The following AGBL4 variants were observed in gnomAD, a reference collection of about 807,000 sequenced individuals.
AGBL4 encodes the protein AGBL carboxypeptidase 4.
A neutral mutation model predicts 66.4 loss-of-function variants in AGBL4; 58 were observed. The observed-to-expected ratio is 0.87, with a 90% CI of 0.71 to 1.09. AGBL4 has a LOEUF of 1.09. Among genes scored for constraint, AGBL4 ranks in the 50% least tolerant of loss-of-function variants. The pLI is 0.00. For synonymous variants in AGBL4, 234 were observed against 222.9 expected (o/e 1.05, Z -0.44); for missense variants, 579 against 631.0 (o/e 0.92, Z 0.88).
chr1:49,207,547 T>TTTCTTTCTTTCTTTCTTTCTTTCTTTC (rs1648297874), intron 4 of AGBL4, among the ~76,000 whole-genome samples: 6 of 98,100 alleles, frequency 6.1e-5, no homozygotes, highest in African/African-American at 2.6e-4. Flanking sequence ...CTTTCTTTTC[T>TTTCTTTCTTTCTTTCTTTCTTTCTTTC]TTCTTTCTTT....
At chr1:49,298,256 G>A (rs1160674520) in intron 3 of AGBL4, among the ~76,000 whole-genome samples, 1 of 152,142 alleles carries the variant, frequency 6.6e-6, no homozygotes, top group Admixed American at 6.5e-5. Context: ...ACAGATGCTG[G>A]CCCAGGAGGA....
intron 6 of AGBL4, among the ~76,000 whole-genome samples, chr1:48,849,791 GGT>G (rs1326360613): frequency 6.6e-6 from 1 of 152,140 alleles, no homozygotes; most frequent in African/African-American, 2.4e-5. Context: ...TGGCCAACAT[GGT>G]GAAACCCTGT....
intron 6 of AGBL4, among the ~76,000 whole-genome samples, chr1:48,749,945 G>T (rs1651412168): frequency 6.6e-6 from 1 of 152,210 alleles, no homozygotes; most frequent in Non-Finnish European, 1.5e-5. Flanking sequence ...GAATAAGTGG[G>T]GTGGGCAGCA....
intron 1 of AGBL4, among the ~76,000 whole-genome samples, chr1:49,882,027 C>A (rs1013035020): frequency 3.3e-5 from 5 of 152,002 alleles, no homozygotes; most frequent in Non-Finnish European, 5.9e-5. Context: ...TTAGGTCTAA[C>A]GTTTAAGTCT....
chr1:48,670,314 G>A (rs1646257011), intron 6 of AGBL4, among the ~76,000 whole-genome samples: 1 of 152,214 alleles, frequency 6.6e-6, no homozygotes, highest in South Asian at 2.1e-4. Flanking sequence ...AAGAAGAAGG[G>A]CAGAGGACCA....
intron 3 of AGBL4, among the ~76,000 whole-genome samples, chr1:49,492,993 CAAG>C (rs1377109868): frequency 7.2e-5 from 11 of 151,970 alleles, no homozygotes; most frequent in Admixed American, 7.2e-4. Flanking sequence ...ATGGCAGCAG[CAAG>C]AAGAAGTGCC....
At chr1:49,159,098 T>C (rs962688592) in intron 4 of AGBL4, among the ~76,000 whole-genome samples, 1 of 151,932 alleles carries the variant, frequency 6.6e-6, no homozygotes, top group Non-Finnish European at 1.5e-5. Flanking sequence ...AATTTGATCC[T>C]GTCATTATGA....
intron 3 of AGBL4, among the ~76,000 whole-genome samples, chr1:49,565,805 C>A (rs1285419514): frequency 6.6e-6 from 1 of 152,104 alleles, no homozygotes; most frequent in South Asian, 2.1e-4. Context: ...TGAGGAGTAT[C>A]TTTGTGGTGT....
chr1:48,988,828 T>C (rs1390418796), intron 5 of AGBL4, among the ~76,000 whole-genome samples: 1 of 152,202 alleles, frequency 6.6e-6, no homozygotes. Flanking sequence ...ATCTCATTAC[T>C]GCTAGCTTCA....
At chr1:48,750,569 C>T (rs1381673061) in intron 6 of AGBL4, among the ~76,000 whole-genome samples, 2 of 152,218 alleles carry the variant, frequency 1.3e-5, no homozygotes, top group African/African-American at 4.8e-5. Context: ...TCCCAACTGT[C>T]TGCTGTTGAG....
intron 3 of AGBL4, among the ~76,000 whole-genome samples, chr1:49,621,015 A>G (rs1364070986): frequency 6.6e-6 from 1 of 152,212 alleles, no homozygotes; most frequent in African/African-American, 2.4e-5. Flanking sequence ...CTAGTGCTCT[A>G]GCACCAAAAT....
chr1:49,550,391 A>G (rs551944819), intron 3 of AGBL4, among the ~76,000 whole-genome samples: 2 of 152,172 alleles, frequency 1.3e-5, no homozygotes, highest in South Asian at 4.1e-4. Flanking sequence ...TTTGTTTTAT[A>G]AGTCCTGTGT....
At chr1:49,635,540 A>G (rs1645655034) in intron 3 of AGBL4, among the ~76,000 whole-genome samples, 1 of 152,204 alleles carries the variant, frequency 6.6e-6, no homozygotes, top group Non-Finnish European at 1.5e-5. Context: ...CCAAATCCGT[A>G]AGAAAATGGC....
intron 3 of AGBL4, among the ~76,000 whole-genome samples, chr1:49,677,617 G>A (rs920845620): frequency 1.3e-5 from 2 of 152,052 alleles, no homozygotes; most frequent in East Asian, 3.9e-4. Context: ...AAATAAGGTG[G>A]AAAGTGTTTT....
intron 2 of AGBL4, among the ~76,000 whole-genome samples, chr1:49,830,625 G>C (rs1386738717): frequency 6.6e-6 from 1 of 152,122 alleles, no homozygotes; most frequent in East Asian, 1.9e-4. Context: ...GATCCCATTT[G>C]TCAATTTTGG....
chr1:49,956,557 T>C (rs1414656468), intron 1 of AGBL4, among the ~76,000 whole-genome samples: 1 of 151,972 alleles, frequency 6.6e-6, no homozygotes, highest in Non-Finnish European at 1.5e-5. Context: ...CAACTTAGTA[T>C]GCTAGGAAGC....
At chr1:48,577,294 C>T (rs1222093555) in intron 11 of AGBL4, among the ~76,000 whole-genome samples, 1 of 152,178 alleles carries the variant, frequency 6.6e-6, no homozygotes, top group African/African-American at 2.4e-5. Context: ...TACTTAGGAA[C>T]CAACCAGGAT....
chr1:49,407,691 A>C (rs1307397045), intron 3 of AGBL4, among the ~76,000 whole-genome samples: 1 of 152,228 alleles, frequency 6.6e-6, no homozygotes, highest in East Asian at 1.9e-4. Context: ...AAAGAGGAAC[A>C]CTTTTTAATG....
chr1:49,562,382 C>A (rs1644071173), intron 3 of AGBL4, among the ~76,000 whole-genome samples: 1 of 152,034 alleles, frequency 6.6e-6, no homozygotes, highest in Non-Finnish European at 1.5e-5. Flanking sequence ...AAGTCCTTGC[C>A]CATGCCTATG....
Sources: allele counts gnomAD v4.1 joint callset (sites outside exome capture counted in the v4.1 genomes callset), GRCh38; gene constraint gnomAD v4.1.1; transcripts MANE v1.5; gene names NCBI Gene and HGNC (gene_info 2026-07-23, HGNC 2026-07-21).